Variants in POFUT3 observed in about 807,000 individuals in gnomAD.
The protein encoded by POFUT3 is protein O-fucosyltransferase 3, also known as GDP-fucose protein O-fucosyltransferase 3.
the POFUT3 span, among the ~76,000 whole-genome samples, chr8:33,376,637 T>C: frequency 6.6e-6 from 1 of 152,216 alleles, no homozygotes; most frequent in Non-Finnish European, 1.5e-5. Context: ...AGGAATTCTT[T>C]ACCAAGCACA....
the POFUT3 span, among the ~76,000 whole-genome samples, chr8:33,315,814 G>C: frequency 6.6e-6 from 1 of 152,064 alleles, no homozygotes; most frequent in Non-Finnish European, 1.5e-5. Flanking sequence ...AGAAATTCTA[G>C]AAAATATATT....
At chr8:33,408,984 C>G in the POFUT3 span, among the ~76,000 whole-genome samples, 1 of 151,894 alleles carries the variant, frequency 6.6e-6, no homozygotes, top group Non-Finnish European at 1.5e-5. Context: ...TGAGATCCTC[C>G]ATCACAAAAA....
chr8:33,372,335 G>T, the POFUT3 span: 3 of 1,260,108 alleles, frequency 2.4e-6, no homozygotes, highest in Non-Finnish European at 2.0e-6. Context: ...CCACAGACAC[G>T]GACATGGAAG....
chr8:33,393,367 A>G, the POFUT3 span, among the ~76,000 whole-genome samples: 1 of 152,240 alleles, frequency 6.6e-6, no homozygotes, highest in Non-Finnish European at 1.5e-5. Context: ...TCGTTCCTTT[A>G]AACAACAGCT....
At chr8:33,371,386 A>G in the POFUT3 span, 1 of 152,200 alleles carries the variant, frequency 6.6e-6, no homozygotes, top group Non-Finnish European at 1.5e-5. Context: ...ACAGCCTTCA[A>G]TACAATGAGA....
the POFUT3 span, chr8:33,453,127 CT>C: frequency 1.5e-6 from 2 of 1,311,878 alleles, no homozygotes; most frequent in Non-Finnish European, 2.2e-6. Flanking sequence ...TCAAGGGGAG[CT>C]CCACCATCAC....
chr8:33,423,601 T>A, the POFUT3 span, among the ~76,000 whole-genome samples: 1 of 152,068 alleles, frequency 6.6e-6, no homozygotes, highest in Non-Finnish European at 1.5e-5. Context: ...CTCACAGGCA[T>A]GCCATATAGA....
chr8:33,457,504 C>A, the POFUT3 span, among the ~76,000 whole-genome samples: 3 of 151,950 alleles, frequency 2.0e-5, no homozygotes, highest in African/African-American at 7.2e-5. Flanking sequence ...TCAAAAAAAA[C>A]CCCAACTCAT....
the POFUT3 span, among the ~76,000 whole-genome samples, chr8:33,377,816 T>C: frequency 6.6e-6 from 1 of 152,220 alleles, no homozygotes; most frequent in East Asian, 1.9e-4. Context: ...ACGTGGTTCC[T>C]AGCAATGAGA....
At chr8:33,394,883 T>C in the POFUT3 span, among the ~76,000 whole-genome samples, 1 of 152,190 alleles carries the variant, frequency 6.6e-6, no homozygotes, top group Non-Finnish European at 1.5e-5. Flanking sequence ...ATTACAGTAC[T>C]CTCAGCCAAA....
At chr8:33,329,839 T>G in the POFUT3 span, among the ~76,000 whole-genome samples, 2 of 152,212 alleles carry the variant, frequency 1.3e-5, no homozygotes, top group African/African-American at 4.8e-5. Flanking sequence ...TGTCCAAAGA[T>G]TCACTTAAGC....
At chr8:33,471,443 G>T in the POFUT3 span, among the ~76,000 whole-genome samples, 55 of 151,926 alleles carry the variant, frequency 3.6e-4, 1 homozygote, top group Non-Finnish European at 1.0e-4. Flanking sequence ...GTAGAGACGG[G>T]GTTTCACCAT....
chr8:33,361,572 C>G, the POFUT3 span, among the ~76,000 whole-genome samples: 1 of 152,142 alleles, frequency 6.6e-6, no homozygotes, highest in East Asian at 1.9e-4. Context: ...TTTGCTAAAG[C>G]ATTTCTGTTA....
At chr8:33,466,826 C>A in the POFUT3 span, among the ~76,000 whole-genome samples, 2 of 152,054 alleles carry the variant, frequency 1.3e-5, no homozygotes, top group Non-Finnish European at 2.9e-5. Flanking sequence ...GTGATTAGGC[C>A]GGGCATAGTG....
chr8:33,328,711 G>C, the POFUT3 span, among the ~76,000 whole-genome samples: 1 of 152,186 alleles, frequency 6.6e-6, no homozygotes, highest in Non-Finnish European at 1.5e-5. Flanking sequence ...TTATTAGCTG[G>C]TGAGTCTTGT....
chr8:33,388,874 A>T, the POFUT3 span: 2 of 983,760 alleles, frequency 2.0e-6, no homozygotes, highest in Non-Finnish European at 3.2e-6. Context: ...AACACTGATG[A>T]GGTGGCAACA....
the POFUT3 span, among the ~76,000 whole-genome samples, chr8:33,397,922 C>A: frequency 1.3e-5 from 2 of 152,156 alleles, no homozygotes; most frequent in African/African-American, 4.8e-5. Flanking sequence ...ATAGGCATTT[C>A]TAAAAAGCAA....
chr8:33,427,442 G>A, the POFUT3 span, among the ~76,000 whole-genome samples: 1 of 152,020 alleles, frequency 6.6e-6, no homozygotes, highest in African/African-American at 2.4e-5. Flanking sequence ...AGCTGGGCAT[G>A]GTGGTGCATG....
chr8:33,430,495 G>C, the POFUT3 span, among the ~76,000 whole-genome samples: 2 of 152,148 alleles, frequency 1.3e-5, no homozygotes, highest in East Asian at 1.9e-4. Context: ...TGAGAAAAAA[G>C]GGAATATGGA....
Sources: gnomAD v4.1 joint callset for allele counts (sites outside exome capture counted in the v4.1 genomes callset) on GRCh38, gnomAD v4.1.1 for gene constraint, MANE v1.5 for transcripts, NCBI Gene and HGNC (gene_info 2026-07-23, HGNC 2026-07-21) for gene names.